Variants in DNAH9 observed in about 807,000 individuals in gnomAD.
The protein encoded by DNAH9 is dynein axonemal heavy chain 9.
In DNAH9, 345 loss-of-function variants were observed where a neutral mutation model predicts 471.6. That is an observed-to-expected ratio of 0.73 (90% confidence interval 0.67 to 0.80). DNAH9 has a LOEUF of 0.80. Among genes scored for constraint, DNAH9 ranks in the 30% least tolerant of loss-of-function variants. The pLI is 0.00. For missense variants in DNAH9, 5,407 were observed against 5,609.2 expected, an observed-to-expected ratio of 0.96 and a Z score of 1.15; for synonymous variants, 2,093 against 2,123.6, an observed-to-expected ratio of 0.99 and a Z score of 0.40.
At chr17:11,852,559 C>G (rs1971461037) in intron 49 of DNAH9, among the ~76,000 whole-genome samples, 1 of 151,902 alleles carries the variant, frequency 6.6e-6, no homozygotes. Context: ...TGGAGAAAAC[C>G]CAGCCTGGAG....
At chr17:11,961,785 T>G in intron 67 of DNAH9, 82 bp from the exon 68 acceptor site, 1 of 1,484,850 alleles carries the variant, frequency 6.7e-7, no homozygotes, top group Non-Finnish European at 9.0e-7. Flanking sequence ...CTGGGTGCCA[T>G]GAGCCAGGGG....
chr17:11,797,583 T>C lies in DNAH9; in HGVS notation c.8224-14T>C, dbSNP rs1250376518. 6.2e-7 allele frequency: 1 copy of C among 1,601,796 alleles called. No individual in the cohort carries two copies. Among genetic ancestry groups the C allele is most frequent in the Non-Finnish European group, 8.5e-7 (1 of 1,173,502 alleles). ...TCAATAATGAGGGCCCTTATTCCTG[T>C]GTCTCATCACCAGGATATTGAAGAC... On this transcript the variant is annotated splice_polypyrimidine_tract_variant and intron_variant, in intron 42 of 68. Transcript: ENST00000262442.
chr17:11,903,082 T>G (rs1973468547), intron 60 of DNAH9, among the ~76,000 whole-genome samples, 170 bp downstream of exon 60: 1 of 152,364 alleles, frequency 6.6e-6, no homozygotes, highest in East Asian at 1.9e-4. Flanking sequence ...GGCTCACGCC[T>G]GTAATCCCAG....
Position 11,869,061 on chromosome 17 carries a change from AC to A in DNAH9, c.9934-70del, listed in dbSNP as rs1346174416. The A allele has an allele frequency of 2.6e-6, 4 of 1,554,316 alleles. No homozygotes were observed. The African/African-American group carries it at 5.4e-5, about 21-fold the overall frequency. ...TTCCTTCAGAACCACCTCCATGTGA[AC>A]CCTCATCTAATGAGCACTGGTAGTT... On this transcript the variant is annotated intron_variant, in intron 50 of 68. Transcript: ENST00000262442.
chr17:11,759,517 C>CTTTTTTTTTTTTT (rs1157505657), intron 35 of DNAH9, among the ~76,000 whole-genome samples: 12 of 83,972 alleles, frequency 1.4e-4, no homozygotes, highest in East Asian at 3.4e-4. Flanking sequence ...ATACACACCA[C>CTTTTTTTTTTTTT]TTTTTTTTTT....
intron 41 of DNAH9, among the ~76,000 whole-genome samples, chr17:11,787,075 T>G (rs912499257): frequency 1.3e-4 from 20 of 152,190 alleles, no homozygotes; most frequent in African/African-American, 4.8e-4. Flanking sequence ...TAAATTAAGT[T>G]TAACAGTGTT....
At chr17:11,709,891 T>C (rs1055065100) in intron 26 of DNAH9, among the ~76,000 whole-genome samples, 1 of 152,194 alleles carries the variant, frequency 6.6e-6, no homozygotes, top group African/African-American at 2.4e-5. Context: ...CAGGAACTCC[T>C]GCAAGTAGGT....
At chr17:11,760,779 A>G (rs1235477405) in intron 35 of DNAH9, among the ~76,000 whole-genome samples, 4 of 152,028 alleles carry the variant, frequency 2.6e-5, no homozygotes, top group Admixed American at 2.0e-4. Context: ...CGGCCTCCCA[A>G]AGTGCTGGGA....
At chr17:11,826,039 A>C (rs931237388) in intron 48 of DNAH9, among the ~76,000 whole-genome samples, 2 of 152,228 alleles carry the variant, frequency 1.3e-5, no homozygotes, top group African/African-American at 4.8e-5. Flanking sequence ...GTTTTTGGCC[A>C]TCTTGGATTT....
At chr17:11,953,651 A>C (rs1975494087) in intron 67 of DNAH9, among the ~76,000 whole-genome samples, 1 of 152,002 alleles carries the variant, frequency 6.6e-6, no homozygotes, top group Non-Finnish European at 1.5e-5. Flanking sequence ...CTCTACTAAA[A>C]ATACAAAAAA....
intron 49 of DNAH9, 89 bp from the exon 50 acceptor site, chr17:11,853,914 C>A: frequency 7.7e-7 from 1 of 1,299,916 alleles, no homozygotes; most frequent in Non-Finnish European, 1.1e-6. Flanking sequence ...CCCTTTCAAA[C>A]CGATCGCTCC....
chr17:11,955,508 A>G (rs1312239883), intron 67 of DNAH9, among the ~76,000 whole-genome samples: 2 of 152,168 alleles, frequency 1.3e-5, no homozygotes, highest in East Asian at 3.9e-4. Flanking sequence ...AGACCTACCT[A>G]TATGCTGTTA....
intron 9 of DNAH9, among the ~76,000 whole-genome samples, 169 bp downstream of exon 9, chr17:11,636,953 T>C (rs1391209931): frequency 6.6e-6 from 1 of 152,166 alleles, no homozygotes; most frequent in Non-Finnish European, 1.5e-5. Context: ...ACTGGGGAGC[T>C]CTCTGAACTA....
chr17:11,809,573 T>TA, intron 44 of DNAH9, among the ~76,000 whole-genome samples: 1 of 151,540 alleles, frequency 6.6e-6, no homozygotes, highest in East Asian at 1.9e-4. Context: ...TCTCAAAAAA[T>TA]AAAAAATAAA....
In DNAH9 at chr17:11,762,770, G is replaced by GTTTTT. The variant is rs563544881; in HGVS notation, c.6996-647_6996-643dup. On this transcript the variant is annotated intron_variant, in intron 35 of 68. Coordinates refer to ENST00000262442, the MANE Select transcript of DNAH9 (RefSeq NM_001372.4). ...CCTCTTTAGGTGCGTTTTTTTTTTTGTTTTTTTTTTTTTTTTTTTTTTTTT... is the reference window on the plus strand; with the variant it reads ...CCTCTTTAGGTGCGTTTTTTTTTTTGTTTTTTTTTTTTTTTTTTTTTTTTTTTTTT... 2.4e-3 allele frequency among the ~76,000 whole-genome samples: 216 copies of GTTTTT among 90,740 alleles called. 13 individuals are homozygous for GTTTTT. Among genetic ancestry groups the GTTTTT allele is most frequent in the Middle Eastern group, 7.1e-3 (1 of 140 alleles). The allele number at this position is 90,740 out of a possible 152,430, so 59.5% of individuals were successfully genotyped here.
At chr17:11,600,415 G>T (rs1464784753) in intron 1 of DNAH9, among the ~76,000 whole-genome samples, 2 of 152,158 alleles carry the variant, frequency 1.3e-5, no homozygotes, top group Admixed American at 1.3e-4. Context: ...ATTTAACCTA[G>T]TGTATGTGGG....
chr17:11,877,387 C>T (rs1972536810), intron 53 of DNAH9, among the ~76,000 whole-genome samples: 1 of 143,600 alleles, frequency 7.0e-6, no homozygotes, highest in Non-Finnish European at 1.5e-5. Context: ...GCAGGAGAAT[C>T]TCTTGAACCC....
intron 29 of DNAH9, among the ~76,000 whole-genome samples, chr17:11,740,509 T>C (rs2150833776): frequency 6.6e-6 from 1 of 152,270 alleles, no homozygotes; most frequent in East Asian, 1.9e-4. Flanking sequence ...CGCTCCACCC[T>C]CATGACCTAA....
rs1221190239 is a variant in DNAH9, at chr17:11,651,252, G to T, written c.2281G>T (p.Val761Leu). Residue 761 changes from valine (V) to leucine (L), a missense_variant, in exon 13 of 69, where the codon GTG (valine) becomes TTG (leucine). Coordinates refer to ENST00000262442, the MANE Select transcript of DNAH9 (RefSeq NM_001372.4). ...KTLLEVEFPL[V>L]EEELQNIDLR... ...TCTGCTGGAGGTGGAATTTCCATTA[G>T]TGGAGGAAGAGCTGCAAAATATTGA... 6.2e-6 allele frequency: 10 copies of T among 1,613,886 alleles called. No homozygotes were observed. The South Asian group carries it at 1.1e-4, about 18-fold the overall frequency.
Sources: gnomAD v4.1 joint callset for allele counts (sites outside exome capture counted in the v4.1 genomes callset) on GRCh38, gnomAD v4.1.1 for gene constraint, MANE v1.5 for transcripts, NCBI Gene and HGNC (gene_info 2026-07-23, HGNC 2026-07-21) for gene names.